CTTNBP2NL: variants seen among roughly 807,000 people sequenced by gnomAD.
CTTNBP2NL encodes the protein CTTNBP2 N-terminal like.
A neutral mutation model predicts 32.5 loss-of-function variants in CTTNBP2NL; 16 were observed. That is an observed-to-expected ratio of 0.49 (90% CI 0.33 to 0.75). The LOEUF is 0.75. Ranked by LOEUF, CTTNBP2NL falls within the 30% of genes least tolerant of loss-of-function variation. CTTNBP2NL has a pLI of 0.02. For missense variants in CTTNBP2NL, 645 were observed against 756.0 expected (o/e 0.85, Z 1.72); for synonymous variants, 298 against 289.4 (o/e 1.03, Z -0.30).
At chr1:112,443,633 G>C (rs1282244734) in intron 3 of CTTNBP2NL, among the ~76,000 whole-genome samples, 1 of 152,212 alleles carries the variant, frequency 6.6e-6, no homozygotes, top group Non-Finnish European at 1.5e-5. Flanking sequence ...ATAGCTGTGA[G>C]CCACTGCACC....
intron 3 of CTTNBP2NL, among the ~76,000 whole-genome samples, chr1:112,420,333 A>G (rs1297190762): frequency 1.3e-5 from 2 of 151,464 alleles, no homozygotes; most frequent in Non-Finnish European, 2.9e-5. Context: ...TTTTATAGAG[A>G]TGGGGTTTTA....
intron 3 of CTTNBP2NL, among the ~76,000 whole-genome samples, chr1:112,426,857 C>T (rs1210306529): frequency 6.6e-6 from 1 of 152,144 alleles, no homozygotes; most frequent in Non-Finnish European, 1.5e-5. Flanking sequence ...CTGCCCACTT[C>T]AGCCTCCCAA....
chr1:112,449,710 C>G (rs1650162521), intron 4 of CTTNBP2NL, among the ~76,000 whole-genome samples: 1 of 147,294 alleles, frequency 6.8e-6, no homozygotes, highest in Non-Finnish European at 1.5e-5. Context: ...TAAAGGTGTT[C>G]TACTCTATTA....
chr1:112,445,030 T>G (rs1415585173), intron 3 of CTTNBP2NL, among the ~76,000 whole-genome samples: 1 of 152,228 alleles, frequency 6.6e-6, no homozygotes, highest in African/African-American at 2.4e-5. Context: ...GGTCTCTGTC[T>G]CTTTTATGGG....
intron 3 of CTTNBP2NL, among the ~76,000 whole-genome samples, chr1:112,434,404 C>A (rs1424231074): frequency 1.3e-5 from 2 of 152,156 alleles, no homozygotes. Context: ...TGTGTGTCTT[C>A]CCTCTTTGTG....
At chr1:112,406,444 A>G (rs1249279443) in intron 1 of CTTNBP2NL, among the ~76,000 whole-genome samples, 4 of 152,174 alleles carry the variant, frequency 2.6e-5, no homozygotes, top group Admixed American at 2.6e-4. Context: ...TCCCATTTCT[A>G]CCACATACTA....
At chr1:112,401,627 C>T (rs975708292) in intron 1 of CTTNBP2NL, among the ~76,000 whole-genome samples, 2 of 151,866 alleles carry the variant, frequency 1.3e-5, no homozygotes, top group Admixed American at 6.6e-5. Context: ...AAGTAAGGAG[C>T]GATGATAGGA....
At chr1:112,416,535 G>T (rs1289651544) in intron 3 of CTTNBP2NL, among the ~76,000 whole-genome samples, 1 of 147,832 alleles carries the variant, frequency 6.8e-6, no homozygotes, top group African/African-American at 2.5e-5. Flanking sequence ...GTGTCACTCT[G>T]TCGCCAGGCT....
At chr1:112,413,392 G>A (rs1648945021) in intron 2 of CTTNBP2NL, among the ~76,000 whole-genome samples, 1 of 152,158 alleles carries the variant, frequency 6.6e-6, no homozygotes, top group Non-Finnish European at 1.5e-5. Flanking sequence ...AATGAGACAG[G>A]ATAATAGTTA....
Position 112,438,469 on chromosome 1 carries a change from T to A in CTTNBP2NL, c.100-10473T>A, listed in dbSNP as rs1017490876. Among the ~76,000 whole-genome samples, 5 of 152,284 alleles carry A rather than the reference T, an allele frequency of 3.3e-5. No individual in the cohort carries two copies. The South Asian group carries it at 1.0e-3, about 32-fold the overall frequency. On this transcript the variant is annotated intron_variant, in intron 3 of 5. Coordinates refer to ENST00000271277, the MANE Select transcript of CTTNBP2NL (RefSeq NM_018704.3). ...CTGAGACCATGGGGTTTTTCTGTAT[T>A]CTATATTTCTATATCTATTCTAGAT...
chr1:112,395,330 G>GA (rs1557880902), upstream of CTTNBP2NL, among the ~76,000 whole-genome samples: 2 of 152,240 alleles, frequency 1.3e-5, no homozygotes, highest in South Asian at 4.2e-4. Flanking sequence ...CTTAGGTAGG[G>GA]ATACAACTAG....
intron 3 of CTTNBP2NL, among the ~76,000 whole-genome samples, chr1:112,424,228 A>G (rs546982374): frequency 1.3e-5 from 2 of 151,832 alleles, no homozygotes; most frequent in African/African-American, 4.8e-5. Context: ...GCATGGATCC[A>G]TTTTTTGTTT....
chr1:112,454,236 T>C (rs1202689671), intron 4 of CTTNBP2NL, among the ~76,000 whole-genome samples: 1 of 152,232 alleles, frequency 6.6e-6, no homozygotes, highest in Non-Finnish European at 1.5e-5. Context: ...ATACTTCAAG[T>C]AAAGTAAGTA....
At chr1:112,398,148 A>G (rs1421446927) in intron 1 of CTTNBP2NL, among the ~76,000 whole-genome samples, 1 of 152,238 alleles carries the variant, frequency 6.6e-6, no homozygotes, top group Admixed American at 6.5e-5. Context: ...GAGAACAGAA[A>G]ATAAACTAAG....
At chr1:112,410,164 G>T (rs376373548) in intron 1 of CTTNBP2NL, among the ~76,000 whole-genome samples, 1 of 152,104 alleles carries the variant, frequency 6.6e-6, no homozygotes, top group Non-Finnish European at 1.5e-5. Flanking sequence ...AGGCCAAGGC[G>T]GGGGGATCAC....
chr1:112,451,080 CTCT>C (rs1650202199), intron 4 of CTTNBP2NL, among the ~76,000 whole-genome samples: 1 of 151,792 alleles, frequency 6.6e-6, no homozygotes, highest in Non-Finnish European at 1.5e-5. Flanking sequence ...TCTATTCCAC[CTCT>C]TCTCATTCCC....
chr1:112,430,208 TTTCTTTTCTTTTCTTGTCTTTTCTC>T (rs1649524997), intron 3 of CTTNBP2NL, among the ~76,000 whole-genome samples: 2 of 40,134 alleles, frequency 5.0e-5, no homozygotes, highest in Admixed American at 3.3e-4. Flanking sequence ...TTTCTTTTCT[TTTCTTTTCTTTTCTTGTCTTTTCTC>T]TTTCATTTTT....
chr1:112,432,553 A>G (rs1450330517), intron 3 of CTTNBP2NL, among the ~76,000 whole-genome samples: 2 of 151,920 alleles, frequency 1.3e-5, no homozygotes, highest in Admixed American at 1.3e-4. Flanking sequence ...TCATCCATTT[A>G]ATAAGACATT....
At chr1:112,455,440 T>C (rs982792368) in intron 5 of CTTNBP2NL, among the ~76,000 whole-genome samples, 2 of 152,048 alleles carry the variant, frequency 1.3e-5, no homozygotes, top group South Asian at 4.2e-4. Flanking sequence ...AAGGCGGAGG[T>C]TGCAGTGAGC....
Sources: gnomAD v4.1 joint callset for allele counts (sites outside exome capture counted in the v4.1 genomes callset) on GRCh38, gnomAD v4.1.1 for gene constraint, MANE v1.5 for transcripts, NCBI Gene and HGNC (gene_info 2026-07-23, HGNC 2026-07-21) for gene names.